MYRIP: variants seen among roughly 807,000 people sequenced by gnomAD.
MYRIP encodes the protein myosin VIIA and Rab interacting protein.
In MYRIP, 49 loss-of-function variants were observed where a neutral mutation model predicts 98.0. The observed-to-expected ratio is 0.50, with a 90% CI of 0.40 to 0.63. The LOEUF is 0.63. Among genes scored for constraint, MYRIP ranks in the 30% least tolerant of loss-of-function variants. The pLI is 0.00. For synonymous variants in MYRIP, 404 were observed against 409.5 expected, an observed-to-expected ratio of 0.99 and a Z score of 0.16; for missense variants, 1,004 against 1,058.2, an observed-to-expected ratio of 0.95 and a Z score of 0.71.
chr3:39,935,842 T>C (rs963373749), intron 2 of MYRIP, among the ~76,000 whole-genome samples: 2 of 152,264 alleles, frequency 1.3e-5, no homozygotes, highest in African/African-American at 2.4e-5. Context: ...TATTGCCATG[T>C]TGTAAGTATG....
At chr3:39,892,010 C>G (rs950666112) in intron 1 of MYRIP, among the ~76,000 whole-genome samples, 2 of 151,848 alleles carry the variant, frequency 1.3e-5, no homozygotes, top group Non-Finnish European at 2.9e-5. Flanking sequence ...ATACATCTCT[C>G]TTTGTATTTA....
At chr3:40,168,634 G>C (rs1799412) in intron 7 of MYRIP, among the ~76,000 whole-genome samples, 125,111 of 152,262 alleles carry the variant, frequency 0.82, 51,366 homozygotes, top group South Asian at 0.86. Context: ...ACAAAGTCAG[G>C]TGCAGCATGT....
chr3:39,982,690 G>A (rs953949134), intron 2 of MYRIP, among the ~76,000 whole-genome samples: 3 of 151,964 alleles, frequency 2.0e-5, no homozygotes, highest in Admixed American at 6.6e-5. Flanking sequence ...ATTTTCTAGG[G>A]GAAGAAATGC....
intron 10 of MYRIP, among the ~76,000 whole-genome samples, chr3:40,192,309 C>CATATATATATGACATATATATAT (rs1322376887): frequency 0.39 from 22,597 of 57,720 alleles, 6,929 homozygotes; most frequent in Admixed American, 0.48. Context: ...TAGTTTTCTT[C>CATATATATATGACATATATATAT]ATATATATAT....
chr3:40,091,280 A>C (rs1948732652), intron 3 of MYRIP, among the ~76,000 whole-genome samples: 1 of 137,696 alleles, frequency 7.3e-6, no homozygotes, highest in Admixed American at 7.4e-5. Flanking sequence ...TTTCCTGGCC[A>C]GATGCTTCAC....
At chr3:40,118,111 G>A (rs1470746991) in intron 3 of MYRIP, among the ~76,000 whole-genome samples, 1 of 152,156 alleles carries the variant, frequency 6.6e-6, no homozygotes, top group African/African-American at 2.4e-5. Flanking sequence ...TTAAACAAAT[G>A]AAACAATGCT....
chr3:40,002,490 G>T (rs575452184), intron 2 of MYRIP, among the ~76,000 whole-genome samples: 1 of 151,688 alleles, frequency 6.6e-6, no homozygotes, highest in Non-Finnish European at 1.5e-5. Flanking sequence ...AGCTGAGATC[G>T]CACCATTGCA....
intron 1 of MYRIP, among the ~76,000 whole-genome samples, chr3:39,856,951 G>A (rs974861047): frequency 2.0e-5 from 3 of 152,186 alleles, no homozygotes; most frequent in Non-Finnish European, 4.4e-5. Flanking sequence ...GGTGGCTCAT[G>A]CTTAATCTCA....
chr3:39,911,747 A>G (rs1458216910), intron 2 of MYRIP, among the ~76,000 whole-genome samples: 1 of 152,220 alleles, frequency 6.6e-6, no homozygotes, highest in African/African-American at 2.4e-5. Context: ...CAGCCTGGAA[A>G]TCAGAGTTTC....
At chr3:40,081,790 C>T (rs1948484826) in intron 3 of MYRIP, among the ~76,000 whole-genome samples, 1 of 151,866 alleles carries the variant, frequency 6.6e-6, no homozygotes, top group African/African-American at 2.4e-5. Context: ...TTCCCTCTGT[C>T]TAACTGAAAC....
chr3:40,212,133 TATATATATACATATATATAC>T (rs1244302421), intron 11 of MYRIP, among the ~76,000 whole-genome samples: 82 of 1,868 alleles, frequency 0.044, 16 homozygotes, highest in African/African-American at 0.049. Flanking sequence ...TATACGTGTA[TATATATATACATATATATAC>T]GTGTATATAT....
chr3:39,939,371 A>G (rs992013608), intron 2 of MYRIP, among the ~76,000 whole-genome samples: 2 of 152,162 alleles, frequency 1.3e-5, no homozygotes. Flanking sequence ...AGCTCTTGAA[A>G]AGGATACACA....
intron 2 of MYRIP, among the ~76,000 whole-genome samples, chr3:40,024,438 G>A (rs1947075947): frequency 6.6e-6 from 1 of 152,090 alleles, no homozygotes; most frequent in Admixed American, 6.6e-5. Flanking sequence ...TGGTGCTGGA[G>A]GGCAGGTGCA....
intron 1 of MYRIP, among the ~76,000 whole-genome samples, chr3:39,841,929 G>A (rs529220879): frequency 2.0e-4 from 31 of 152,264 alleles, no homozygotes; most frequent in Admixed American, 5.2e-4. Flanking sequence ...CAGGAGGCAC[G>A]GGAGTCAGGG....
intron 3 of MYRIP, among the ~76,000 whole-genome samples, chr3:40,062,207 T>G (rs1440752157): frequency 6.6e-6 from 1 of 152,194 alleles, no homozygotes; most frequent in Non-Finnish European, 1.5e-5. Context: ...TAGGTTGTCT[T>G]CCAGGGTTTT....
chr3:39,857,255 G>GAGGAAGGAAGGAAGGAAGGAAGGAAGGA (rs144396473), intron 1 of MYRIP, among the ~76,000 whole-genome samples: 49 of 135,954 alleles, frequency 3.6e-4, no homozygotes, highest in African/African-American at 7.3e-4. Context: ...GGGAGGGAGG[G>GAGGAAGGAAGGAAGGAAGGAAGGAAGGA]AGGAAGGAAG....
intron 2 of MYRIP, among the ~76,000 whole-genome samples, chr3:39,973,236 G>A (rs1481978017): frequency 2.6e-5 from 4 of 151,968 alleles, no homozygotes; most frequent in Non-Finnish European, 4.4e-5. Context: ...AACAAAAAAA[G>A]ACAGGGGCTG....
chr3:39,950,215 T>C (rs1272685714), intron 2 of MYRIP, among the ~76,000 whole-genome samples: 1 of 152,198 alleles, frequency 6.6e-6, no homozygotes, highest in Admixed American at 6.5e-5. Flanking sequence ...ACTTTGCACA[T>C]GATAGGCATT....
At chr3:39,919,700 G>T (rs966248197) in intron 2 of MYRIP, among the ~76,000 whole-genome samples, 21 of 117,656 alleles carry the variant, frequency 1.8e-4, no homozygotes, top group African/African-American at 6.5e-4. Flanking sequence ...TGTGGTGTGT[G>T]TGTGTGTGTG....
Sources: allele counts gnomAD v4.1 joint callset (sites outside exome capture counted in the v4.1 genomes callset), GRCh38; gene constraint gnomAD v4.1.1; transcripts MANE v1.5; gene names NCBI Gene and HGNC (gene_info 2026-07-23, HGNC 2026-07-21).